The following TMEM178B variants were observed in gnomAD, a reference collection of about 807,000 sequenced individuals.
TMEM178B encodes the protein transmembrane protein 178B.
A neutral mutation model predicts 31.0 loss-of-function variants in TMEM178B; 5 were observed. The observed-to-expected ratio is 0.16, with a 90% CI of 0.08 to 0.34. The LOEUF is 0.34. TMEM178B is among the 10% of genes least tolerant of loss of function. The pLI, the probability that TMEM178B is intolerant of heterozygous loss-of-function variation, is 1.00. For missense variants in TMEM178B, 275 were observed against 400.3 expected (o/e 0.69, Z 2.67); for synonymous variants, 164 against 164.0 (o/e 1.00, Z 0.00).
At chr7:141,178,939 G>A (rs1796474532) in intron 1 of TMEM178B, among the ~76,000 whole-genome samples, 1 of 152,218 alleles carries the variant, frequency 6.6e-6, no homozygotes, top group African/African-American at 2.4e-5. Flanking sequence ...TAAAGAATGT[G>A]CACTTTCTGT....
chr7:141,101,480 C>G (rs1203716830), intron 1 of TMEM178B, among the ~76,000 whole-genome samples: 1 of 152,192 alleles, frequency 6.6e-6, no homozygotes, highest in African/African-American at 2.4e-5. Context: ...TTCTCTGGTA[C>G]AGGTTAAGAC....
intron 2 of TMEM178B, among the ~76,000 whole-genome samples, chr7:141,372,199 G>T (rs962307305): frequency 1.3e-5 from 2 of 152,088 alleles, no homozygotes; most frequent in Non-Finnish European, 2.9e-5. Context: ...TGCTAATCCA[G>T]CAGCCAGTCC....
chr7:141,265,047 A>G (rs4726441), intron 2 of TMEM178B, among the ~76,000 whole-genome samples: 42,823 of 152,130 alleles, frequency 0.28, 7,629 homozygotes, highest in East Asian at 0.53. Context: ...TGAGTGGTCA[A>G]TTAGCTTAAA....
the TMEM178B span, among the ~76,000 whole-genome samples, chr7:141,503,216 G>T: frequency 6.6e-6 from 1 of 152,194 alleles, no homozygotes; most frequent in African/African-American, 2.4e-5. Context: ...AAGATTCAAG[G>T]GTTCATCTGT....
chr7:141,450,746 C>T (rs540388581), intron 3 of TMEM178B, among the ~76,000 whole-genome samples: 2 of 152,324 alleles, frequency 1.3e-5, no homozygotes, highest in East Asian at 3.9e-4. Context: ...AGCAGGTCAA[C>T]AGTAGACACT....
chr7:141,360,581 T>A (rs1055769786), intron 2 of TMEM178B, among the ~76,000 whole-genome samples: 7 of 152,182 alleles, frequency 4.6e-5, no homozygotes, highest in Non-Finnish European at 8.8e-5. Context: ...GACGGAGTGG[T>A]CAAGAGAAAC....
intron 1 of TMEM178B, among the ~76,000 whole-genome samples, chr7:141,158,276 A>C (rs1309855044): frequency 1.3e-5 from 2 of 152,060 alleles, no homozygotes. Flanking sequence ...TTGTATTTTT[A>C]ATAGAGACAG....
chr7:141,233,709 AG>A (rs1797483117), intron 2 of TMEM178B, among the ~76,000 whole-genome samples: 1 of 152,210 alleles, frequency 6.6e-6, no homozygotes, highest in Non-Finnish European at 1.5e-5. Flanking sequence ...GCTGGTCAAA[AG>A]AAGGTTGAGA....
At chr7:141,227,315 G>A (rs762647065) in intron 2 of TMEM178B, among the ~76,000 whole-genome samples, 1 of 152,202 alleles carries the variant, frequency 6.6e-6, no homozygotes, top group Non-Finnish European at 1.5e-5. Context: ...AACGGTTTGA[G>A]TTTCTCTCAC....
intron 2 of TMEM178B, among the ~76,000 whole-genome samples, chr7:141,401,240 T>TA (rs1430228338): frequency 2.0e-5 from 3 of 152,216 alleles, no homozygotes; most frequent in Admixed American, 6.5e-5. Context: ...ACTAAGATGG[T>TA]AAAAAACTGA....
intron 1 of TMEM178B, among the ~76,000 whole-genome samples, chr7:141,175,006 T>A (rs1352644507): frequency 6.6e-6 from 1 of 152,234 alleles, no homozygotes; most frequent in Non-Finnish European, 1.5e-5. Context: ...TTGCCATTGC[T>A]TTTGGTGTTT....
intron 2 of TMEM178B, among the ~76,000 whole-genome samples, chr7:141,371,802 C>A (rs1463281831): frequency 6.6e-6 from 1 of 152,106 alleles, no homozygotes; most frequent in African/African-American, 2.4e-5. Flanking sequence ...CCTACACAAC[C>A]TCTCCTCCCC....
chr7:141,221,875 G>A (rs1797262866), intron 2 of TMEM178B, among the ~76,000 whole-genome samples: 1 of 152,262 alleles, frequency 6.6e-6, no homozygotes, highest in African/African-American at 2.4e-5. Context: ...TTGCCTGGAA[G>A]TGTCTGCATT....
chr7:141,241,813 G>T (rs1212290521), intron 2 of TMEM178B, among the ~76,000 whole-genome samples: 1 of 152,084 alleles, frequency 6.6e-6, no homozygotes, highest in Non-Finnish European at 1.5e-5. Context: ...GGAATGGGTT[G>T]ACTTAAATTT....
chr7:141,276,864 G>T (rs951861297), intron 2 of TMEM178B, among the ~76,000 whole-genome samples: 2 of 152,102 alleles, frequency 1.3e-5, no homozygotes, highest in African/African-American at 4.8e-5. Context: ...TACTGAATAT[G>T]GTAGGCAACT....
chr7:141,277,972 T>G (rs554899447), intron 2 of TMEM178B, among the ~76,000 whole-genome samples: 1 of 152,320 alleles, frequency 6.6e-6, no homozygotes, highest in Non-Finnish European at 1.5e-5. Flanking sequence ...GATATGAAGA[T>G]ATGAAGAGTC....
At chr7:141,082,146 C>T (rs1025440108) in intron 1 of TMEM178B, among the ~76,000 whole-genome samples, 7 of 152,152 alleles carry the variant, frequency 4.6e-5, no homozygotes, top group Non-Finnish European at 5.9e-5. Context: ...GTCTGCATGA[C>T]GACAAAATCG....
chr7:141,206,319 C>T (rs188307512), intron 1 of TMEM178B, among the ~76,000 whole-genome samples: 3 of 152,146 alleles, frequency 2.0e-5, no homozygotes, highest in Admixed American at 1.3e-4. Context: ...TAAGTGGAAG[C>T]TAGAGTGATG....
At chr7:141,126,324 A>ACTCCTCCCT (rs1266074017) in intron 1 of TMEM178B, among the ~76,000 whole-genome samples, 1 of 152,032 alleles carries the variant, frequency 6.6e-6, no homozygotes, top group Non-Finnish European at 1.5e-5. Flanking sequence ...GGTGAATGGG[A>ACTCCTCCCT]GATTGGGCAG....
Sources: gnomAD v4.1 joint callset for allele counts (sites outside exome capture counted in the v4.1 genomes callset) on GRCh38, gnomAD v4.1.1 for gene constraint, MANE v1.5 for transcripts, NCBI Gene and HGNC (gene_info 2026-07-23, HGNC 2026-07-21) for gene names.